The following POU6F2 variants were observed in gnomAD, a reference collection of about 807,000 sequenced individuals.
The protein encoded by POU6F2 is POU class 6 homeobox 2, also known as POU domain, class 6, transcription factor 2.
POU6F2 carries 31 observed loss-of-function variants against 71.3 expected under a neutral mutation model. The ratio of observed to expected loss-of-function variants is 0.43; its 90% CI spans 0.33 to 0.59. The LOEUF (loss-of-function observed/expected upper bound fraction) is 0.59. POU6F2 is among the 20% of genes least tolerant of loss of function. The pLI, the probability that POU6F2 is intolerant of heterozygous loss-of-function variation, is 0.04. For synonymous variants in POU6F2, 347 were observed against 355.7 expected (o/e 0.98, Z 0.27); for missense variants, 783 against 856.8 (o/e 0.91, Z 1.07).
chr7:39,094,946 A>G (rs1445970258), intron 2 of POU6F2, among the ~76,000 whole-genome samples: 1 of 152,176 alleles, frequency 6.6e-6, no homozygotes, highest in African/African-American at 2.4e-5. Flanking sequence ...ATATACCTAC[A>G]TCATTTCCCA....
At chr7:39,119,192 G>A (rs1304069643) in intron 2 of POU6F2, among the ~76,000 whole-genome samples, 2 of 152,158 alleles carry the variant, frequency 1.3e-5, no homozygotes, top group Non-Finnish European at 2.9e-5. Context: ...AACCAATCCT[G>A]TTAGGAATAG....
Position 39,247,461 on chromosome 7 carries a change from G to T in POU6F2, c.598+39841G>T, listed in dbSNP as rs183320844. 1.6e-3 allele frequency among the ~76,000 whole-genome samples: 239 copies of T among 150,402 alleles called. 1 individual carries two copies. The highest frequency in any genetic ancestry group is 5.5e-3 in the African/African-American group (226 of 40,948). ...GTGAGACTCTGTCTCAAAGAAAAAA[G>T]AAAGAAAGAGAGAAAGAAGAAAGAA... On this transcript the variant is annotated intron_variant, in intron 4 of 9. Coordinates refer to ENST00000518318, the MANE Select transcript of POU6F2 (RefSeq NM_001370959.1).
At chr7:39,215,913 G>A (rs998966850) in intron 4 of POU6F2, among the ~76,000 whole-genome samples, 2 of 152,242 alleles carry the variant, frequency 1.3e-5, no homozygotes, top group Non-Finnish European at 2.9e-5. Flanking sequence ...GGTCATAGGT[G>A]TGCAGTGACT....
At chr7:39,088,696 A>G (rs1213776233) in intron 2 of POU6F2, among the ~76,000 whole-genome samples, 1 of 152,218 alleles carries the variant, frequency 6.6e-6, no homozygotes, top group Non-Finnish European at 1.5e-5. Context: ...GCATCTTGAT[A>G]TGTTTAGTTT....
intron 1 of POU6F2, among the ~76,000 whole-genome samples, chr7:38,992,350 T>C (rs905289628): frequency 1.4e-4 from 22 of 152,358 alleles, no homozygotes; most frequent in Admixed American, 3.3e-4. Context: ...TATTTTCATA[T>C]GATGTCTAAA....
chr7:39,014,931 C>T (rs1169230249), intron 1 of POU6F2, among the ~76,000 whole-genome samples: 1 of 152,088 alleles, frequency 6.6e-6, no homozygotes, highest in Non-Finnish European at 1.5e-5. Flanking sequence ...CTTGCTACTG[C>T]TGTTGACTCC....
At chr7:39,260,623 C>T (rs981300552) in intron 4 of POU6F2, among the ~76,000 whole-genome samples, 2 of 151,006 alleles carry the variant, frequency 1.3e-5, no homozygotes, top group African/African-American at 4.9e-5. Context: ...ACAATACAGA[C>T]ACCACACACC....
Position 39,464,787 on chromosome 7 carries a change from A to T in POU6F2, c.*101A>T. On this transcript the variant is annotated 3_prime_UTR_variant, in exon 10 of 10. Coordinates refer to ENST00000518318, the MANE Select transcript of POU6F2 (RefSeq NM_001370959.1). The surrounding 1 kb of genome is among the most constrained non-coding windows in gnomAD (Gnocchi z 4.1). ...ACAACAAAATTTAATTTAATTTAAAAATAGCCCCAGTCGTCATCACCCTTG... is the reference window on the plus strand; with the variant it reads ...ACAACAAAATTTAATTTAATTTAAATATAGCCCCAGTCGTCATCACCCTTG... The T allele has an allele frequency of 7.4e-7, 1 of 1,346,110 alleles. No homozygotes were observed. Among genetic ancestry groups the T allele is most frequent in the Non-Finnish European group, 9.9e-7 (1 of 1,013,936 alleles). The allele number at this position is 1,346,110 out of a possible 1,614,324, so 83.4% of individuals were successfully genotyped here. A position where few individuals can be genotyped will look rare whatever the true frequency, so the allele number is the denominator to read the frequency against.
chr7:39,313,166 C>G (rs111448467), intron 4 of POU6F2, among the ~76,000 whole-genome samples: 17 of 152,202 alleles, frequency 1.1e-4, no homozygotes, highest in African/African-American at 3.6e-4. Flanking sequence ...GCCCCATCCC[C>G]GACTCCATTC....
chr7:39,182,102 C>T (rs184727214), intron 2 of POU6F2, among the ~76,000 whole-genome samples: 8 of 152,288 alleles, frequency 5.3e-5, no homozygotes, highest in South Asian at 4.1e-4. Flanking sequence ...CATCTTAAAG[C>T]ACATAAGATG....
At chr7:38,984,074 CA>C (rs1289503576) in intron 1 of POU6F2, among the ~76,000 whole-genome samples, 1 of 151,626 alleles carries the variant, frequency 6.6e-6, no homozygotes, top group Non-Finnish European at 1.5e-5. Flanking sequence ...AATTATAAGA[CA>C]AAAAAAATTG....
intron 4 of POU6F2, among the ~76,000 whole-genome samples, chr7:39,303,294 C>A (rs2128765175): frequency 6.6e-6 from 1 of 152,182 alleles, no homozygotes; most frequent in East Asian, 1.9e-4. Context: ...ACTATAGGCA[C>A]CCTCCGCCGC....
At chr7:39,115,599 C>G (rs1341990341) in intron 2 of POU6F2, among the ~76,000 whole-genome samples, 1 of 152,106 alleles carries the variant, frequency 6.6e-6, no homozygotes, top group Non-Finnish European at 1.5e-5. Flanking sequence ...GAAGTGAGAA[C>G]AGAAACTGTA....
At chr7:39,174,236 G>A (rs1419849639) in intron 2 of POU6F2, among the ~76,000 whole-genome samples, 1 of 152,186 alleles carries the variant, frequency 6.6e-6, no homozygotes, top group Non-Finnish European at 1.5e-5. Flanking sequence ...CTGTATGAAA[G>A]GCAAATGCTC....
chr7:39,238,097 C>T (rs1794706413), intron 4 of POU6F2, among the ~76,000 whole-genome samples: 2 of 152,118 alleles, frequency 1.3e-5, no homozygotes, highest in South Asian at 4.1e-4. Flanking sequence ...GGTATAAATA[C>T]TCTGAGGTTC....
intron 4 of POU6F2, among the ~76,000 whole-genome samples, chr7:39,249,156 A>C (rs1783872044): frequency 1.3e-5 from 2 of 152,236 alleles, no homozygotes; most frequent in Non-Finnish European, 2.9e-5. Context: ...AGACTAAAAG[A>C]AAATCTTATC....
Position 39,137,034 on chromosome 7 carries a change from G to C in POU6F2, c.277+51003G>C, listed in dbSNP as rs1053131706. Among the ~76,000 whole-genome samples the C allele has an allele frequency of 2.2e-5, 3 of 134,688 alleles. No individual in the cohort carries two copies. In the Admixed American group the frequency reaches 2.3e-4, roughly 10 times the overall value. 88.4% of individuals were successfully genotyped at this position (134,688 alleles called of 152,430 possible). A position where few individuals can be genotyped will look rare whatever the true frequency, so the allele number is the denominator to read the frequency against. ...TGTCAAAAAAAAAAAAAAAAAAAAA[G>C]AGTGGAGATGTTCCTTACAACATTG... is the stretch of plus-strand genomic sequence containing the variant. On this transcript the variant is annotated intron_variant, in intron 2 of 9. Transcript: ENST00000518318.
intron 1 of POU6F2, among the ~76,000 whole-genome samples, chr7:39,059,180 G>A (rs1031438159): frequency 3.3e-5 from 5 of 151,996 alleles, no homozygotes; most frequent in Non-Finnish European, 5.9e-5. Flanking sequence ...ATCAGCTCAC[G>A]TGTTCATGTA....
chr7:39,169,507 C>T (rs537137203), intron 2 of POU6F2, among the ~76,000 whole-genome samples: 1 of 152,284 alleles, frequency 6.6e-6, no homozygotes, highest in East Asian at 1.9e-4. Flanking sequence ...ACACTCATTG[C>T]AGTGAATAAA....
Sources: allele counts gnomAD v4.1 joint callset (sites outside exome capture counted in the v4.1 genomes callset), GRCh38; gene constraint gnomAD v4.1.1; non-coding constraint Gnocchi (gnomAD v3.1); transcripts MANE v1.5; gene names NCBI Gene and HGNC (gene_info 2026-07-23, HGNC 2026-07-21).